The following MAPKAPK2 variants were observed in gnomAD, a reference collection of about 807,000 sequenced individuals.
The protein encoded by MAPKAPK2 is MAP kinase-activated protein kinase 2.
A neutral mutation model predicts 48.8 loss-of-function variants in MAPKAPK2; 9 were observed. That is an observed-to-expected ratio of 0.18 (90% confidence interval 0.11 to 0.32). MAPKAPK2 has a LOEUF of 0.32. MAPKAPK2 is among the 10% of genes least tolerant of loss of function. The probability of loss-of-function intolerance (pLI) is 1.00; values close to 1 mark genes in which losing one functional copy is unlikely to be tolerated. For missense variants in MAPKAPK2, 331 were observed against 498.3 expected (o/e 0.66, Z 3.20); for synonymous variants, 202 against 190.6 (o/e 1.06, Z -0.49).
At position 206,691,482 on chromosome 1, in the gene MAPKAPK2, G is replaced by GATACATAT. The variant is rs371759587; in HGVS notation, c.279+5977_279+5978insCATATATA. On this transcript the variant is annotated intron_variant, in intron 1 of 9. Coordinates refer to ENST00000367103, the MANE Select transcript of MAPKAPK2 (RefSeq NM_032960.4). ...AAAATACTGGTATTTTGTATTTTAA[G>GATACATAT]ATATATATATATATATATATATACA... 5.0e-3 allele frequency among the ~76,000 whole-genome samples: 388 copies of GATACATAT among 77,294 alleles called. 14 individuals carry two copies. Among genetic ancestry groups the GATACATAT allele is most frequent in the Non-Finnish European group, 7.4e-3 (266 of 35,778 alleles). The allele number at this position is 77,294 out of a possible 152,430, so 50.7% of individuals were successfully genotyped here. A position where few individuals can be genotyped will look rare whatever the true frequency, so the allele number is the denominator to read the frequency against.
chr1:206,728,514 G>A (rs562400982), intron 1 of MAPKAPK2, among the ~76,000 whole-genome samples, 196 bp from the exon 2 acceptor site: 1 of 151,284 alleles, frequency 6.6e-6, no homozygotes, highest in African/African-American at 2.4e-5. Context: ...CCCCAAGAGA[G>A]TCATCATGAG....
chr1:206,695,450 GTT>G (rs797043593), intron 1 of MAPKAPK2, among the ~76,000 whole-genome samples: 8 of 122,960 alleles, frequency 6.5e-5, no homozygotes, highest in African/African-American at 1.2e-4. Flanking sequence ...GCCCTGATCT[GTT>G]TTTTTTTTTT....
intron 1 of MAPKAPK2, among the ~76,000 whole-genome samples, chr1:206,699,621 C>T (rs1203140222): frequency 6.6e-6 from 1 of 152,226 alleles, no homozygotes; most frequent in Non-Finnish European, 1.5e-5. Flanking sequence ...AATGGCTGGG[C>T]TAAAGCTGTG....
chr1:206,690,191 A>C (rs1672414511), intron 1 of MAPKAPK2, among the ~76,000 whole-genome samples: 1 of 152,242 alleles, frequency 6.6e-6, no homozygotes, highest in Non-Finnish European at 1.5e-5. Flanking sequence ...GGAATCATTG[A>C]AGATGGGCTT....
rs377578490 is a variant in MAPKAPK2, at chr1:206,709,214, T to C, written c.280-19496T>C. Among the ~76,000 whole-genome samples the C allele has an allele frequency of 1.1e-3, 174 of 152,346 alleles. 1 individual carries two copies. The highest frequency in any genetic ancestry group is 4.1e-3 in the African/African-American group (169 of 41,578). ...GCACCCAATTATTTTAGGACTGTTA[T>C]CACATCCAGTCCCTCAGTTGCTCCT... On this transcript the variant is annotated intron_variant, in intron 1 of 9. Coordinates refer to ENST00000367103, the MANE Select transcript of MAPKAPK2 (RefSeq NM_032960.4).
At chr1:206,693,107 C>T (rs746851693) in intron 1 of MAPKAPK2, among the ~76,000 whole-genome samples, 3 of 152,102 alleles carry the variant, frequency 2.0e-5, no homozygotes, top group Non-Finnish European at 2.9e-5. Context: ...GGGAGAAGAT[C>T]GAGTTGTTCG....
At chr1:206,686,555 C>G (rs782532221) in intron 1 of MAPKAPK2, among the ~76,000 whole-genome samples, 6 of 152,138 alleles carry the variant, frequency 3.9e-5, no homozygotes, top group Non-Finnish European at 8.8e-5. Context: ...CTAAAGGTGA[C>G]GCCTCAGGTC....
chr1:206,729,011 G>C (rs1553432256), intron 2 of MAPKAPK2, 24 bp from the exon 3 acceptor site: 1 of 1,614,012 alleles, frequency 6.2e-7, no homozygotes, highest in Non-Finnish European at 8.5e-7. Context: ...GTGTTCTCTG[G>C]ATCTCACTGT....
chr1:206,717,469 A>G (rs1673371961), intron 1 of MAPKAPK2, among the ~76,000 whole-genome samples: 1 of 152,224 alleles, frequency 6.6e-6, no homozygotes, highest in South Asian at 2.1e-4. Flanking sequence ...TGTGGTTGAC[A>G]TCACTGCTGT....
chr1:206,704,121 G>A lies in MAPKAPK2; in HGVS notation c.279+18613G>A, dbSNP rs868943173. 6.6e-6 allele frequency among the ~76,000 whole-genome samples: 1 copy of A among 152,262 alleles called. No homozygotes were observed. The highest frequency in any genetic ancestry group is 6.5e-5 in the Admixed American group (1 of 15,290). On this transcript the variant is annotated intron_variant, in intron 1 of 9. Coordinates refer to ENST00000367103, the MANE Select transcript of MAPKAPK2 (RefSeq NM_032960.4). The surrounding 1 kb of genome is among the most constrained non-coding windows in gnomAD (Gnocchi z 4.3). ...ACAGGCTATATTTTTCCAATCCAAA[G>A]TGAGGGTCTATCTGATAGTTTTTCC...
At chr1:206,711,342 C>A (rs1004995232) in intron 1 of MAPKAPK2, among the ~76,000 whole-genome samples, 2 of 152,204 alleles carry the variant, frequency 1.3e-5, no homozygotes, top group Non-Finnish European at 2.9e-5. Flanking sequence ...CTCCACCTCT[C>A]GGAGTTCAAG....
At chr1:206,714,754 A>C (rs1390418059) in intron 1 of MAPKAPK2, among the ~76,000 whole-genome samples, 1 of 127,022 alleles carries the variant, frequency 7.9e-6, no homozygotes, top group Non-Finnish European at 1.7e-5. Flanking sequence ...AGCAGAGTGA[A>C]ACTCGGTCAC....
intron 1 of MAPKAPK2, among the ~76,000 whole-genome samples, chr1:206,703,444 T>G (rs1279427316): frequency 1.3e-5 from 2 of 152,122 alleles, no homozygotes; most frequent in Admixed American, 1.3e-4. Flanking sequence ...CCTTCATATT[T>G]CTTTTCTCTG....
At chr1:206,724,994 C>CTAATTTTTCTTTT in intron 1 of MAPKAPK2, among the ~76,000 whole-genome samples, 1 of 152,184 alleles carries the variant, frequency 6.6e-6, no homozygotes, top group Non-Finnish European at 1.5e-5. Flanking sequence ...ATGAGGAAAC[C>CTAATTTTTCTTTT]CTTTCCAGAA....
chr1:206,715,194 G>A (rs1673289763), intron 1 of MAPKAPK2, among the ~76,000 whole-genome samples: 1 of 152,216 alleles, frequency 6.6e-6, no homozygotes, highest in South Asian at 2.1e-4. Context: ...GGGAAATACT[G>A]GAGATGAAAA....
In MAPKAPK2 at chr1:206,731,849, A is replaced by T. The variant is rs970977724; in HGVS notation, c.989A>T (p.Lys330Met). 2 of 1,613,922 alleles carry T rather than the reference A, an allele frequency of 1.2e-6. No homozygotes were observed. The highest frequency in any genetic ancestry group is 2.7e-5 in the African/African-American group (2 of 74,832). ...MNHPWIMQST[K>M]VPQTPLHTSR... ...TTTCTCTCTTCTCAGCAATCAACAA[A>T]GGTCCCTCAAACCCCACTGCACACC... The change falls in exon 9 of 10, where the codon AAG (lysine) becomes ATG (methionine). Residue 330 changes from lysine to methionine, a missense_variant. By Grantham distance (95) the Lys-to-Met change is moderately conservative. This residue lies in a region of MAPKAPK2 where 124 missense variants were observed against 194.6 expected (regional missense o/e 0.64). Transcript: ENST00000367103. This position sits in a 1 kb window ranked among gnomAD's most constrained non-coding sequence, Gnocchi z 5.9.
chr1:206,715,668 C>G (rs1457605030), intron 1 of MAPKAPK2, among the ~76,000 whole-genome samples: 1 of 149,570 alleles, frequency 6.7e-6, no homozygotes, highest in African/African-American at 2.5e-5. Context: ...ACTCTGTTGC[C>G]CAGGCTGAAG....
intron 1 of MAPKAPK2, among the ~76,000 whole-genome samples, chr1:206,724,829 A>G (rs1673654824): frequency 6.6e-6 from 1 of 152,136 alleles, no homozygotes; most frequent in Non-Finnish European, 1.5e-5. Context: ...ACAGAAATCA[A>G]ATTAGATCTT....
chr1:206,714,137 T>C (rs1673244806), intron 1 of MAPKAPK2, among the ~76,000 whole-genome samples: 1 of 152,170 alleles, frequency 6.6e-6, no homozygotes, highest in Non-Finnish European at 1.5e-5. Context: ...CTGTCCTAGA[T>C]CCACCAAACA....
Sources: gnomAD v4.1 joint callset for allele counts (sites outside exome capture counted in the v4.1 genomes callset) on GRCh38, gnomAD v4.1.1 for gene constraint, gnomAD v4.1.1 regional missense constraint, Gnocchi (gnomAD v3.1) non-coding constraint, MANE v1.5 for transcripts, NCBI Gene and HGNC (gene_info 2026-07-23, HGNC 2026-07-21) for gene names.